The following GNS variants were observed in gnomAD, a reference collection of about 807,000 sequenced individuals.
GNS encodes the protein glucosamine (N-acetyl)-6-sulfatase.
GNS carries 40 observed loss-of-function variants against 69.7 expected under a neutral mutation model. The ratio of observed to expected loss-of-function variants is 0.57; its 90% CI spans 0.45 to 0.75. The LOEUF (loss-of-function observed/expected upper bound fraction) is 0.75. Ranked by LOEUF, GNS falls within the 30% of genes least tolerant of loss-of-function variation. The pLI is 0.00. For missense variants in GNS, 565 were observed against 685.5 expected (o/e 0.82, Z 1.96); for synonymous variants, 243 against 251.6 (o/e 0.97, Z 0.32).
At position 64,721,749 on chromosome 12, in the gene GNS, A is replaced by G. The variant is rs779235006; in HGVS notation, c.1309-44T>C. ...AGTTAAATGAAGACAGTTCTTCCAT[A>G]GTAACAAATACCTAGTTGCCTAGAA... On this transcript the variant is annotated intron_variant, in intron 11 of 13. Transcript: ENST00000258145. The G allele has an allele frequency of 3.1e-6, 3 of 978,336 alleles. No homozygotes were observed. In the Admixed American group the frequency reaches 5.1e-5, roughly 17 times the overall value. The allele number at this position is 978,336 out of a possible 1,614,324, so 60.6% of individuals were successfully genotyped here.
intron 13 of GNS, among the ~76,000 whole-genome samples, chr12:64,717,091 T>A (rs1204498031): frequency 2.0e-5 from 3 of 152,018 alleles, no homozygotes; most frequent in African/African-American, 7.2e-5. Context: ...AGATTTGAGA[T>A]TTTTTTCTTT....
Position 64,723,012 on chromosome 12 carries a change from G to T in GNS, c.1302C>A (p.Gly434=), listed in dbSNP as rs747491925. ...TDPTCPSLSP[G]VSQCFPDCVC... The stretch of plus-strand genomic sequence containing the variant: ...GATTCAAGCTATTACTCACAGATAC[G>T]CCAGGACTCAGGGAAGGGCATGTTG... Residue 434 remains glycine, a synonymous_variant, in exon 11 of 14, where the codon GGC becomes GGA. Transcript: ENST00000258145. 2 of 1,577,704 alleles carry T rather than the reference G, an allele frequency of 1.3e-6. No individual in the cohort carries two copies. The highest frequency in any genetic ancestry group is 3.3e-5 in the Admixed American group (2 of 59,978).
chr12:64,730,525 A>G (rs1869356083), intron 9 of GNS, among the ~76,000 whole-genome samples: 1 of 151,996 alleles, frequency 6.6e-6, no homozygotes, highest in Non-Finnish European at 1.5e-5. Context: ...CAGAATGATA[A>G]ATATCCTGGC....
intron 10 of GNS, among the ~76,000 whole-genome samples, chr12:64,726,856 G>T (rs575004570): frequency 4.5e-4 from 68 of 152,004 alleles, no homozygotes; most frequent in African/African-American, 1.5e-3. Context: ...ACGCAAAAAT[G>T]CAGAGGCATT....
rs941737503 is a variant in GNS, at chr12:64,714,319, C to T, written c.*2422G>A. 2 of 152,158 alleles carry T rather than the reference C, an allele frequency of 1.3e-5. No homozygotes were observed. The highest frequency in any genetic ancestry group is 2.9e-5 in the Non-Finnish European group (2 of 68,044). 9.4% of individuals were successfully genotyped at this position (152,158 alleles called of 1,614,324 possible). A position where few individuals can be genotyped will look rare whatever the true frequency, so the allele number is the denominator to read the frequency against. On this transcript the variant is annotated 3_prime_UTR_variant, in exon 14 of 14. Transcript: ENST00000258145. Reference sequence around the variant, plus strand: ...CTACTCTGAAGGGCACCAACATGGACCTCACCTTCTTAACATGGAAAATCA... The same window carrying T: ...CTACTCTGAAGGGCACCAACATGGATCTCACCTTCTTAACATGGAAAATCA...
intron 3 of GNS, chr12:64,745,957 C>T (rs905192683): frequency 7.4e-6 from 4 of 542,504 alleles, no homozygotes; most frequent in South Asian, 2.7e-5. Context: ...TTTGTATGAA[C>T]AGCAAGCTAA....
intron 9 of GNS, among the ~76,000 whole-genome samples, chr12:64,731,806 C>T (rs1869399064): frequency 6.6e-6 from 1 of 152,144 alleles, no homozygotes; most frequent in African/African-American, 2.4e-5. Flanking sequence ...CACAGTGGCT[C>T]TCGCTGGTAA....
At chr12:64,718,776 T>G (rs61932680) in intron 13 of GNS, among the ~76,000 whole-genome samples, 399 of 152,364 alleles carry the variant, frequency 2.6e-3, no homozygotes, top group Non-Finnish European at 3.8e-3. Context: ...TTAAAAAACA[T>G]TAACTGCTAT....
chr12:64,739,325 GA>G, intron 8 of GNS, 55 bp downstream of exon 8: 1 of 919,322 alleles, frequency 1.1e-6, no homozygotes, highest in Non-Finnish European at 1.8e-6. Flanking sequence ...CTCATTGGGT[GA>G]AAAAGGAAAG....
chr12:64,742,962 G>A (rs575673359), intron 6 of GNS, among the ~76,000 whole-genome samples, 179 bp downstream of exon 6: 1 of 152,288 alleles, frequency 6.6e-6, no homozygotes, highest in South Asian at 2.1e-4. Flanking sequence ...ATGTGTAGCA[G>A]GAACTTTATC....
In GNS at chr12:64,714,062, G is replaced by T. The variant is rs950126830; in HGVS notation, c.*2679C>A. On this transcript the variant is annotated 3_prime_UTR_variant, in exon 14 of 14. Coordinates refer to ENST00000258145, the MANE Select transcript of GNS (RefSeq NM_002076.4). ...GAGAACTGCTGGAACCCAGGAGGTG[G>T]AAGTTGCAGTGAGCCGAGATCACGC... is the stretch of plus-strand genomic sequence containing the variant. 6.6e-6 allele frequency: 1 copy of T among 152,144 alleles called. No individual in the cohort carries two copies. The highest frequency in any genetic ancestry group is 6.6e-5 in the Admixed American group (1 of 15,264). 9.4% of individuals were successfully genotyped at this position (152,144 alleles called of 1,614,324 possible). A position where few individuals can be genotyped will look rare whatever the true frequency, so the allele number is the denominator to read the frequency against.
At chr12:64,738,762 G>A (rs1004572628) in intron 8 of GNS, among the ~76,000 whole-genome samples, 6 of 152,114 alleles carry the variant, frequency 3.9e-5, no homozygotes, top group Middle Eastern at 6.8e-3. Context: ...GCTGTGAGCC[G>A]AGATCACGCT....
chr12:64,757,419 C>CT (rs1363875363), intron 1 of GNS, among the ~76,000 whole-genome samples: 1 of 151,960 alleles, frequency 6.6e-6, no homozygotes, highest in Non-Finnish European at 1.5e-5. Flanking sequence ...GACACATTTT[C>CT]TTTTTTTTAA....
intron 9 of GNS, chr12:64,729,332 A>G (rs1379525483): frequency 4.2e-5 from 17 of 404,352 alleles, no homozygotes; most frequent in Non-Finnish European, 1.8e-5. Flanking sequence ...TGTTTTTTGA[A>G]AACTCCTTTG....
chr12:64,757,004 T>A (rs181303119), intron 1 of GNS, among the ~76,000 whole-genome samples: 1 of 152,102 alleles, frequency 6.6e-6, no homozygotes, highest in Admixed American at 6.5e-5. Flanking sequence ...CATGGAGAAA[T>A]CCTGTCTTTA....
chr12:64,757,039 C>A (rs118063032), intron 1 of GNS, among the ~76,000 whole-genome samples: 2 of 152,054 alleles, frequency 1.3e-5, no homozygotes, highest in Admixed American at 1.3e-4. Flanking sequence ...ATTAGCTGGA[C>A]GTAGTGACAT....
At chr12:64,743,591 C>T (rs1869813099) in intron 5 of GNS, among the ~76,000 whole-genome samples, 1 of 152,088 alleles carries the variant, frequency 6.6e-6, no homozygotes, top group Admixed American at 6.6e-5. Flanking sequence ...AAGAAGGAAA[C>T]AGTAACTTGG....
At chr12:64,748,225 G>A (rs866351712) in intron 2 of GNS, among the ~76,000 whole-genome samples, 4 of 150,752 alleles carry the variant, frequency 2.7e-5, no homozygotes, top group Non-Finnish European at 4.4e-5. Context: ...CTTTTGAGGC[G>A]AGCTCTCACT....
chr12:64,744,864 C>A lies in GNS; in HGVS notation c.569G>T (p.Gly190Val). The change falls in exon 5 of 14, where the codon GGG becomes GTG. Residue 190 changes from glycine to valine, a missense_variant. By Grantham distance (109) the Gly-to-Val change is moderately radical. Coordinates refer to ENST00000258145, the MANE Select transcript of GNS (RefSeq NM_002076.4). ...GTTTTCACCATGCTTCCGTGCCTTC[C>A]CATTGATAGACAGGGTGTAATTATA... ...KYYNYTLSINGKARKHGENYS... is the reference protein window; with the variant it reads ...KYYNYTLSINVKARKHGENYS... 1 of 1,564,710 alleles carries A rather than the reference C, an allele frequency of 6.4e-7. No individual in the cohort carries two copies. The highest frequency in any genetic ancestry group is 1.3e-5 in the African/African-American group (1 of 74,088).
Sources: gnomAD v4.1 joint callset for allele counts (sites outside exome capture counted in the v4.1 genomes callset) on GRCh38, gnomAD v4.1.1 for gene constraint, MANE v1.5 for transcripts, NCBI Gene and HGNC (gene_info 2026-07-23, HGNC 2026-07-21) for gene names.